The following NPAS3 variants were observed in gnomAD, a reference collection of about 807,000 sequenced individuals.
NPAS3 encodes neuronal PAS domain-containing protein 3.
A neutral mutation model predicts 73.1 loss-of-function variants in NPAS3; 14 were observed. The ratio of observed to expected loss-of-function variants is 0.19; its 90% CI spans 0.13 to 0.30. The LOEUF is 0.30. Ranked by LOEUF, NPAS3 falls within the 10% of genes least tolerant of loss-of-function variation. The pLI, the probability that NPAS3 is intolerant of heterozygous loss-of-function variation, is 1.00. For missense variants in NPAS3, 1,096 were observed against 1,250.0 expected (o/e 0.88, Z 1.86); for synonymous variants, 620 against 541.5 (o/e 1.14, Z -2.01).
At chr14:33,544,820 AATATATATGTG>A (rs1196524829) in intron 4 of NPAS3, among the ~76,000 whole-genome samples, 21 of 98,414 alleles carry the variant, frequency 2.1e-4, no homozygotes, top group Admixed American at 6.5e-4. Flanking sequence ...ATGTATATAT[AATATATATGTG>A]TATATATATA....
intron 2 of NPAS3, among the ~76,000 whole-genome samples, chr14:33,098,880 T>C (rs2042498989): frequency 6.6e-6 from 1 of 152,258 alleles, no homozygotes; most frequent in Non-Finnish European, 1.5e-5. Context: ...TGATTCATTC[T>C]TTAAATTGCC....
rs561194643 is a variant in NPAS3, at chr14:33,204,526, T to C, written c.141-10656T>C. 1.4e-4 allele frequency among the ~76,000 whole-genome samples: 22 copies of C among 152,174 alleles called. 1 individual carries two copies. In the South Asian group the frequency reaches 4.4e-3, roughly 30 times the overall value. ...GGTTCAGGAAGCACAGTCTGTGCAA[T>C]ATGTTGATTTGTATACGTTTTCTCC... On this transcript the variant is annotated intron_variant, in intron 2 of 11. Coordinates refer to ENST00000356141, the Ensembl canonical transcript of NPAS3.
intron 1 of NPAS3, among the ~76,000 whole-genome samples, chr14:33,023,988 T>C (rs896537676): frequency 2.0e-5 from 3 of 152,144 alleles, no homozygotes; most frequent in Non-Finnish European, 4.4e-5. Flanking sequence ...GTTCATAGTA[T>C]GGATAAATTG....
chr14:33,715,234 T>C (rs1358086198), intron 6 of NPAS3, among the ~76,000 whole-genome samples: 2 of 152,208 alleles, frequency 1.3e-5, no homozygotes, highest in Non-Finnish European at 2.9e-5. Context: ...TGATTGTGCC[T>C]TTCTCATTCT....
chr14:33,348,957 A>C (rs1245762672), intron 3 of NPAS3, among the ~76,000 whole-genome samples: 1 of 151,982 alleles, frequency 6.6e-6, no homozygotes, highest in East Asian at 1.9e-4. Context: ...TTGAGTTTTC[A>C]CTTTTGCCCT....
intron 1 of NPAS3, among the ~76,000 whole-genome samples, chr14:33,018,448 A>G (rs28625172): frequency 0.2 from 30,306 of 151,950 alleles, 4,913 homozygotes; most frequent in African/African-American, 0.45. Flanking sequence ...TTTCTGAGAG[A>G]TACAATAGAG....
Position 32,968,741 on chromosome 14 carries a change from C to T in NPAS3, c.50+29375C>T, listed in dbSNP as rs373379393. ...AGTCTGTCATGAGGTTGGAGTCAAA[C>T]GCTGGGGCCAGGGAAGCCACTACTT... On this transcript the variant is annotated intron_variant, in intron 1 of 11. Transcript: ENST00000356141. Among the ~76,000 whole-genome samples, 186 of 150,936 alleles carry T rather than the reference C, an allele frequency of 1.2e-3. 2 individuals carry two copies. The highest frequency in any genetic ancestry group is 7.0e-3 in the Middle Eastern group (2 of 284).
chr14:33,422,513 G>A (rs1393318236), intron 4 of NPAS3, among the ~76,000 whole-genome samples: 1 of 151,890 alleles, frequency 6.6e-6, no homozygotes, highest in African/African-American at 2.4e-5. Context: ...GTGATTCTAA[G>A]AAGGATATGG....
intron 4 of NPAS3, among the ~76,000 whole-genome samples, chr14:33,398,013 T>C (rs2047295670): frequency 6.6e-6 from 1 of 152,148 alleles, no homozygotes; most frequent in South Asian, 2.1e-4. Flanking sequence ...AAGCCTCCAA[T>C]TATCTTTTCA....
chr14:33,567,923 C>T (rs1450245764), intron 5 of NPAS3, among the ~76,000 whole-genome samples: 1 of 152,188 alleles, frequency 6.6e-6, no homozygotes, highest in Non-Finnish European at 1.5e-5. Flanking sequence ...GAGGCTAAAA[C>T]ACAGGAAGTT....
At chr14:32,968,337 T>C (rs376797209) in intron 1 of NPAS3, among the ~76,000 whole-genome samples, 5 of 152,208 alleles carry the variant, frequency 3.3e-5, no homozygotes, top group African/African-American at 1.2e-4. Context: ...AATCACACTA[T>C]ACCTTATAAA....
chr14:32,961,243 C>T (rs1272119895), intron 1 of NPAS3, among the ~76,000 whole-genome samples: 1 of 151,790 alleles, frequency 6.6e-6, no homozygotes, highest in African/African-American at 2.4e-5. Context: ...GAAACCTTGT[C>T]TCCACTAAAA....
At chr14:33,017,908 T>A (rs1476790222) in intron 1 of NPAS3, among the ~76,000 whole-genome samples, 3 of 152,232 alleles carry the variant, frequency 2.0e-5, no homozygotes, top group Non-Finnish European at 4.4e-5. Context: ...CATGTAAAGT[T>A]CATAACATTT....
intron 9 of NPAS3, among the ~76,000 whole-genome samples, chr14:33,787,857 TA>T (rs2063226334): frequency 6.6e-6 from 1 of 152,140 alleles, no homozygotes; most frequent in South Asian, 2.1e-4. Context: ...ACTTTTTAGA[TA>T]AGGAAACTTG....
chr14:33,398,583 C>G (rs1281716027), intron 4 of NPAS3, among the ~76,000 whole-genome samples: 1 of 152,030 alleles, frequency 6.6e-6, no homozygotes, highest in African/African-American at 2.4e-5. Context: ...TTTTGCCAAT[C>G]TACTTCTTGG....
chr14:33,792,606 AATGTACTTC>A (rs1308077250), intron 9 of NPAS3, among the ~76,000 whole-genome samples: 1 of 151,778 alleles, frequency 6.6e-6, no homozygotes, highest in African/African-American at 2.4e-5. Context: ...AAAAAATCTA[AATGTACTTC>A]ATGAAACTGT....
chr14:33,464,564 G>T (rs113916223), intron 4 of NPAS3, among the ~76,000 whole-genome samples: 90 of 152,210 alleles, frequency 5.9e-4, no homozygotes, highest in Middle Eastern at 6.8e-3. Context: ...TTCCAAATGC[G>T]GTCCCTGACC....
intron 1 of NPAS3, among the ~76,000 whole-genome samples, chr14:32,998,252 G>A (rs771595821): frequency 2.6e-5 from 4 of 152,144 alleles, no homozygotes; most frequent in East Asian, 1.9e-4. Flanking sequence ...TCGAAACCAC[G>A]CTAAGTGAAA....
rs547625830 is a variant in NPAS3 at position 33,389,043 on chromosome 14, G to A, written c.468+21775G>A. Among the ~76,000 whole-genome samples the A allele has an allele frequency of 1.2e-3, 182 of 152,124 alleles. 3 individuals carry two copies. Among genetic ancestry groups the A allele is most frequent in the African/African-American group, 3.8e-3 (157 of 41,428 alleles). On this transcript the variant is annotated intron_variant, in intron 4 of 11. Coordinates refer to ENST00000356141, the Ensembl canonical transcript of NPAS3. ...CTATAGACTCTCAAGCTTTACAGAG[G>A]CAATAAAAGGCACTGTTCCTACAGA...
Sources: gnomAD v4.1 joint callset for allele counts (sites outside exome capture counted in the v4.1 genomes callset) on GRCh38, gnomAD v4.1.1 for gene constraint, MANE v1.5 for transcripts, NCBI Gene and HGNC (gene_info 2026-07-23, HGNC 2026-07-21) for gene names.